SI: variants seen among roughly 807,000 people sequenced by gnomAD.
SI encodes the protein sucrase-isomaltase, intestinal.
A neutral mutation model predicts 253.3 loss-of-function variants in SI; 235 were observed. The ratio of observed to expected loss-of-function variants is 0.93; its 90% CI spans 0.83 to 1.03. The LOEUF (loss-of-function observed/expected upper bound fraction) is 1.03, where lower values mean the gene tolerates loss of function less well. Ranked by LOEUF, SI falls within the 50% of genes least tolerant of loss-of-function variation. The pLI is 0.00. For missense variants in SI, 2,442 were observed against 2,211.1 expected, an observed-to-expected ratio of 1.10 and a Z score of -2.09; for synonymous variants, 819 against 712.0, an observed-to-expected ratio of 1.15 and a Z score of -2.39.
chr3:165,045,777 G>T (rs1713068996), intron 16 of SI, among the ~76,000 whole-genome samples: 2 of 83,412 alleles, frequency 2.4e-5, no homozygotes, highest in African/African-American at 8.0e-5. Flanking sequence ...TAATTCTTAG[G>T]TTGTTTTTTT....
At chr3:165,038,624 T>C (rs1462569835) in intron 20 of SI, among the ~76,000 whole-genome samples, 1 of 151,938 alleles carries the variant, frequency 6.6e-6, no homozygotes, top group Non-Finnish European at 1.5e-5. Context: ...ATGGTGTATT[T>C]GAGTGCTGTT....
At chr3:165,084,390 G>C in the SI span, among the ~76,000 whole-genome samples, 4 of 152,114 alleles carry the variant, frequency 2.6e-5, no homozygotes, top group South Asian at 4.1e-4. Flanking sequence ...TCAAACATAA[G>C]TTCTTGGGGA....
intron 2 of SI, among the ~76,000 whole-genome samples, 189 bp from the exon 3 acceptor site, chr3:165,074,856 A>G (rs1714847265): frequency 6.6e-6 from 1 of 152,064 alleles, no homozygotes. Flanking sequence ...ATCCAATCAT[A>G]CTTTTAAAAT....
intron 13 of SI, among the ~76,000 whole-genome samples, chr3:165,051,991 T>A (rs1264670599): frequency 1.3e-5 from 2 of 152,040 alleles, no homozygotes; most frequent in Non-Finnish European, 2.9e-5. Flanking sequence ...GAATATAAAT[T>A]ATTAACCTAC....
At chr3:165,084,953 T>A in the SI span, among the ~76,000 whole-genome samples, 1 of 152,138 alleles carries the variant, frequency 6.6e-6, no homozygotes, top group African/African-American at 2.4e-5. Flanking sequence ...GCTTACCTAC[T>A]TTTAATTAAA....
chr3:164,996,678 A>G, intron 39 of SI, 27 bp from the exon 40 acceptor site: 1 of 1,364,592 alleles, frequency 7.3e-7, no homozygotes, highest in Non-Finnish European at 1.0e-6. Flanking sequence ...TATTTAGTTA[A>G]ATTTGAATAG....
rs1243044962 is a variant in SI, at chr3:165,059,971, G to A, written c.1077C>T (p.Arg359=). Residue 359 remains arginine, a synonymous_variant, in exon 10 of 48, where the codon CGC becomes CGT. Coordinates refer to ENST00000264382, the MANE Select transcript of SI (RefSeq NM_001041.4). ...AYWNLGFQLS[R]WNYKSLDVVK... is the part of the protein sequence containing the mutation. Reference sequence around the variant, plus strand: ...CTACATCTAGTGACTTATAATTCCAGCGACTTAGTTGGAATCCAAGATTCC... The same window carrying A: ...CTACATCTAGTGACTTATAATTCCAACGACTTAGTTGGAATCCAAGATTCC... The A allele has an allele frequency of 1.9e-6, 3 of 1,611,860 alleles. No homozygotes were observed. Among genetic ancestry groups the A allele is most frequent in the African/African-American group, 2.7e-5 (2 of 74,874 alleles).
In SI at chr3:164,996,854, G is replaced by A. The variant is rs1718036769; in HGVS notation, c.4541-82C>T. The A allele has an allele frequency of 7.0e-6, 5 of 716,370 alleles. No homozygotes were observed. In the East Asian group the frequency reaches 1.3e-4, roughly 19 times the overall value. The allele number at this position is 716,370 out of a possible 1,614,324, so 44.4% of individuals were successfully genotyped here. ...GTTTTTTATTTCTATTTATGATGAT[G>A]TTCTGTTTTTAATATCAACCTCCAA... is the stretch of plus-strand genomic sequence containing the variant. On this transcript the variant is annotated intron_variant, in intron 38 of 47. Transcript: ENST00000264382.
chr3:164,983,121 C>T, intron 45 of SI, 70 bp from the exon 46 acceptor site: 1 of 1,400,214 alleles, frequency 7.1e-7, no homozygotes, highest in Non-Finnish European at 9.9e-7. Flanking sequence ...TACCTGTATA[C>T]TTTGCTTCTC....
Position 164,979,296 on chromosome 3 carries a change from T to C in SI, c.*66A>G. The C allele has an allele frequency of 1.1e-6, 1 of 926,468 alleles. No homozygotes were observed. The highest frequency in any genetic ancestry group is 1.8e-6 in the Non-Finnish European group (1 of 558,952). 57.4% of individuals were successfully genotyped at this position (926,468 alleles called of 1,614,324 possible). The stretch of plus-strand genomic sequence containing the variant: ...CAAGAACCAAGTGAAGAGGGAAAAT[T>C]GTAAGTGCTGTGAAACTTAAATCCT... On this transcript the variant is annotated 3_prime_UTR_variant, in exon 48 of 48. Transcript: ENST00000264382.
chr3:165,042,810 G>A (rs1421208097), intron 17 of SI, among the ~76,000 whole-genome samples: 1 of 151,956 alleles, frequency 6.6e-6, no homozygotes, highest in African/African-American at 2.4e-5. Flanking sequence ...GTACAGTTAT[G>A]CGTTAGTCTC....
chr3:165,051,729 A>G (rs1481961447), intron 13 of SI, among the ~76,000 whole-genome samples: 1 of 152,040 alleles, frequency 6.6e-6, no homozygotes, highest in East Asian at 1.9e-4. Flanking sequence ...CTATGATATT[A>G]ATATCATTTC....
chr3:164,983,142 T>C, intron 45 of SI, 91 bp from the exon 46 acceptor site: 2 of 1,247,482 alleles, frequency 1.6e-6, no homozygotes, highest in Admixed American at 2.2e-5. Context: ...TTTCCCAGTA[T>C]AAAAAGTAGC....
At chr3:165,070,849 G>C (rs186988192) in intron 3 of SI, among the ~76,000 whole-genome samples, 3 of 152,126 alleles carry the variant, frequency 2.0e-5, no homozygotes. Flanking sequence ...ACTGGAGGTT[G>C]TAAGTCCTAA....
intron 25 of SI, among the ~76,000 whole-genome samples, chr3:165,029,471 A>T (rs1712106484): frequency 6.7e-6 from 1 of 149,836 alleles, no homozygotes; most frequent in Admixed American, 6.7e-5. Flanking sequence ...CAAAAAAGAT[A>T]CTTGCACGTG....
chr3:165,034,261 G>A (rs1041279723), intron 22 of SI, among the ~76,000 whole-genome samples: 1 of 151,676 alleles, frequency 6.6e-6, no homozygotes, highest in Non-Finnish European at 1.5e-5. Flanking sequence ...AGCTACATAG[G>A]TATCATATTA....
In SI at chr3:165,055,219, T is replaced by A; in HGVS notation, c.1487A>T (p.Glu496Val). The change falls in exon 13 of 48, where the codon GAA (glutamate) becomes GTA (valine). Residue 496 changes from glutamate (E) to valine (V), a missense_variant. Glu to Val is a moderately radical substitution (Grantham distance 121). Coordinates refer to ENST00000264382, the MANE Select transcript of SI (RefSeq NM_001041.4). ...WANECSIFHQEVQYDGLWIDM... is the reference protein window; with the variant it reads ...WANECSIFHQVVQYDGLWIDM... ...AATCCAAAGTCCATCATATTGCACT[T>A]CTTGATGGAAAATACTGCATTCATT... 6.2e-7 allele frequency: 1 copy of A among 1,609,386 alleles called. No homozygotes were observed. Among genetic ancestry groups the A allele is most frequent in the Non-Finnish European group, 8.5e-7 (1 of 1,176,250 alleles).
At chr3:165,041,518 T>G (rs1170273564) in intron 17 of SI, among the ~76,000 whole-genome samples, 7 of 152,004 alleles carry the variant, frequency 4.6e-5, no homozygotes, top group Admixed American at 4.6e-4. Flanking sequence ...TAGGATGTTA[T>G]TATATGTGAC....
chr3:164,981,285 TGTC>T (rs1377171965), intron 47 of SI, among the ~76,000 whole-genome samples: 3 of 151,990 alleles, frequency 2.0e-5, no homozygotes, highest in Non-Finnish European at 4.4e-5. Flanking sequence ...AAACCCCACT[TGTC>T]AACAAAACAG....
Sources: allele counts gnomAD v4.1 joint callset (sites outside exome capture counted in the v4.1 genomes callset), GRCh38; gene constraint gnomAD v4.1.1; transcripts MANE v1.5; gene names NCBI Gene and HGNC (gene_info 2026-07-23, HGNC 2026-07-21).